SLC9A8: variants seen among roughly 807,000 people sequenced by gnomAD.
SLC9A8 encodes the protein sodium/hydrogen exchanger 8.
A neutral mutation model predicts 66.6 loss-of-function variants in SLC9A8; 48 were observed. The ratio of observed to expected loss-of-function variants is 0.72; its 90% confidence interval spans 0.57 to 0.92. The LOEUF (loss-of-function observed/expected upper bound fraction) is 0.92, where lower values mean the gene tolerates loss of function less well. SLC9A8 is among the 40% of genes least tolerant of loss of function. The pLI is 0.00. For missense variants in SLC9A8, 599 were observed against 747.3 expected, an observed-to-expected ratio of 0.80 and a Z score of 2.31; for synonymous variants, 274 against 282.6, an observed-to-expected ratio of 0.97 and a Z score of 0.31.
At position 49,838,797 on chromosome 20, in the gene SLC9A8, CTGTG is replaced by C. The variant is rs1253069226; in HGVS notation, c.290-743_290-740del. On this transcript the variant is annotated intron_variant, in intron 3 of 15. Coordinates refer to ENST00000361573, the MANE Select transcript of SLC9A8 (RefSeq NM_015266.3). ...GTGATTGTGTCACCTCCTACCGAGA[CTGTG>C]AACTCCTACCCTACAATGAGTAGGT... 7.9e-5 allele frequency among the ~76,000 whole-genome samples: 12 copies of C among 152,326 alleles called. No homozygotes were observed. The East Asian group carries it at 2.3e-3, about 29-fold the overall frequency.
Position 49,884,280 on chromosome 20 carries a change from C to CACACACG in SLC9A8, c.1491+220_1491+221insGACACAC, listed in dbSNP as rs1555848385. On this transcript the variant is annotated intron_variant, in intron 14 of 15. Coordinates refer to ENST00000361573, the MANE Select transcript of SLC9A8 (RefSeq NM_015266.3). ...ACACGACACACACACACACGACACA[C>CACACACG]ACACACACGACACACACACACACAC... 390 of 233,234 alleles carry CACACACG rather than the reference C, an allele frequency of 1.7e-3. 31 individuals are homozygous for CACACACG. Among genetic ancestry groups the CACACACG allele is most frequent in the African/African-American group, 6.1e-3 (136 of 22,412 alleles). 14.4% of individuals were successfully genotyped at this position (233,234 alleles called of 1,614,324 possible). A position where few individuals can be genotyped will look rare whatever the true frequency, so the allele number is the denominator to read the frequency against.
At chr20:49,866,375 A>G in intron 10 of SLC9A8, among the ~76,000 whole-genome samples, 1 of 152,208 alleles carries the variant, frequency 6.6e-6, no homozygotes, top group East Asian at 1.9e-4. Flanking sequence ...ATCTTGGGTA[A>G]ATACCTAGGA....
intron 7 of SLC9A8, among the ~76,000 whole-genome samples, chr20:49,853,293 G>T (rs6067249): frequency 4.6e-5 from 7 of 152,034 alleles, no homozygotes; most frequent in Admixed American, 2.0e-4. Flanking sequence ...ACAGGTATGC[G>T]GCACCACTTC....
intron 3 of SLC9A8, among the ~76,000 whole-genome samples, chr20:49,834,331 GTGTATATATATATATACTGTA>G (rs2087377477): frequency 1.8e-4 from 15 of 83,484 alleles, no homozygotes; most frequent in African/African-American, 6.0e-4. Flanking sequence ...TATATATACT[GTGTATATATATATATACTGTA>G]TATATATATA....
intron 3 of SLC9A8, among the ~76,000 whole-genome samples, chr20:49,836,488 C>T (rs150371905): frequency 5.8e-4 from 88 of 152,172 alleles, no homozygotes; most frequent in African/African-American, 1.9e-3. Flanking sequence ...TACCACCATG[C>T]GCAGATAATT....
chr20:49,832,118 C>A (rs1322847744), intron 3 of SLC9A8, among the ~76,000 whole-genome samples: 2 of 152,164 alleles, frequency 1.3e-5, no homozygotes, highest in Admixed American at 1.3e-4. Context: ...CCCTGCCAAG[C>A]CCCTTGCATG....
At chr20:49,841,861 C>CT (rs2087775890) in intron 4 of SLC9A8, among the ~76,000 whole-genome samples, 1 of 151,874 alleles carries the variant, frequency 6.6e-6, no homozygotes, top group South Asian at 2.1e-4. Flanking sequence ...TCCCAAAGTG[C>CT]TGGGAGTACA....
intron 3 of SLC9A8, chr20:49,829,211 A>G (rs1445422223): frequency 6.6e-6 from 1 of 152,176 alleles, no homozygotes; most frequent in African/African-American, 2.4e-5. Flanking sequence ...TCGTTAATCC[A>G]CCGAAGGACT....
intron 4 of SLC9A8, among the ~76,000 whole-genome samples, chr20:49,842,014 A>C (rs888709371): frequency 1.3e-5 from 2 of 152,052 alleles, no homozygotes; most frequent in African/African-American, 4.8e-5. Flanking sequence ...TGTTAGGATT[A>C]CAGGATTGAG....
In SLC9A8 at chr20:49,855,537, T is replaced by G; in HGVS notation, c.669T>G (p.Phe223Leu). 1 of 1,614,222 alleles carries G rather than the reference T, an allele frequency of 6.2e-7. No individual in the cohort carries two copies. The highest frequency in any genetic ancestry group is 8.5e-7 in the Non-Finnish European group (1 of 1,180,048). Residue 223 changes from phenylalanine to leucine, a missense_variant, in exon 8 of 16, where the codon TTT becomes TTG. Transcript: ENST00000361573. Reference protein sequence around the residue: ...HVDPVLNMLVFGESILNDAVS... With the variant: ...HVDPVLNMLVLGESILNDAVS... Reference sequence around the variant, plus strand: ...ACCCCGTGCTCAACATGCTGGTCTTTGGAGAAAGTATTCTCAACGATGCAG... The same window carrying G: ...ACCCCGTGCTCAACATGCTGGTCTTGGGAGAAAGTATTCTCAACGATGCAG...
At chr20:49,848,883 A>G (rs2088123381) in intron 5 of SLC9A8, among the ~76,000 whole-genome samples, 3 of 152,196 alleles carry the variant, frequency 2.0e-5, no homozygotes, top group African/African-American at 7.2e-5. Context: ...TCTGACGGGC[A>G]TTATGTCAGG....
rs538736543 is a variant in SLC9A8, at chr20:49,824,416, A to G, written c.289+1275A>G. 1.4e-4 allele frequency among the ~76,000 whole-genome samples: 21 copies of G among 152,342 alleles called. No individual in the cohort carries two copies. In the South Asian group the frequency reaches 4.3e-3, roughly 32 times the overall value. ...CTATTAGGCATATTGAAAAGAACCT[A>G]TGTGACTAATACCCATAATTCTGGG... On this transcript the variant is annotated intron_variant, in intron 3 of 15. Coordinates refer to ENST00000361573, the MANE Select transcript of SLC9A8 (RefSeq NM_015266.3).
chr20:49,834,181 CTCTCTATATATA>C (rs748954594), intron 3 of SLC9A8, among the ~76,000 whole-genome samples: 771 of 46,092 alleles, frequency 0.017, 5 homozygotes, highest in Middle Eastern at 0.023. Context: ...CTCTCTCTCT[CTCTCTATATATA>C]TATATATATA....
rs191701333 is a variant in SLC9A8, at chr20:49,828,325, G to A, written c.289+5184G>A. Reference sequence around the variant, plus strand: ...TTGAACTCCTGACATCAGGTAATCCGCCTGCCTCGGCCTCCCAAAATGCTG... The same window carrying A: ...TTGAACTCCTGACATCAGGTAATCCACCTGCCTCGGCCTCCCAAAATGCTG... On this transcript the variant is annotated intron_variant, in intron 3 of 15. Transcript: ENST00000361573. 1.3e-3 allele frequency among the ~76,000 whole-genome samples: 196 copies of A among 151,434 alleles called. 1 individual carries two copies. Among genetic ancestry groups the A allele is most frequent in the African/African-American group, 4.4e-3 (184 of 41,374 alleles).
At chr20:49,834,139 GTCTC>G (rs71335517) in intron 3 of SLC9A8, among the ~76,000 whole-genome samples, 2,244 of 65,042 alleles carry the variant, frequency 0.035, 59 homozygotes, top group Admixed American at 0.055. Context: ...ATATTAGCTT[GTCTC>G]TCTCTCTCTC....
chr20:49,820,859 T>A (rs1038024090), intron 2 of SLC9A8, among the ~76,000 whole-genome samples: 3 of 152,146 alleles, frequency 2.0e-5, no homozygotes, highest in South Asian at 2.1e-4. Flanking sequence ...CTGTATTTTT[T>A]AAAAAATCTT....
chr20:49,848,142 T>A (rs1363952502), intron 5 of SLC9A8, among the ~76,000 whole-genome samples: 2 of 152,118 alleles, frequency 1.3e-5, no homozygotes, highest in African/African-American at 2.4e-5. Context: ...CAGGTTGGTC[T>A]CGAACTCCTG....
At chr20:49,846,950 A>G (rs2088022064) in intron 5 of SLC9A8, among the ~76,000 whole-genome samples, 1 of 152,154 alleles carries the variant, frequency 6.6e-6, no homozygotes, top group African/African-American at 2.4e-5. Context: ...AATAAACTTA[A>G]TTTGTTGTTG....
In SLC9A8 at chr20:49,891,365, AACGCCCTCCATTTC is replaced by A. The variant is rs2090039322; in HGVS notation, c.*3441_*3454del. ...CTCCACAGCCCCGGGTCCTCTGTCTAACGCCCTCCATTTCACGCCCTCCATCTCACAGTCAAGAT... is the reference window on the plus strand; with the variant it reads ...CTCCACAGCCCCGGGTCCTCTGTCTAACGCCCTCCATCTCACAGTCAAGAT... On this transcript the variant is annotated 3_prime_UTR_variant, in exon 16 of 16. Coordinates refer to ENST00000361573, the MANE Select transcript of SLC9A8 (RefSeq NM_015266.3). 1.3e-5 allele frequency: 2 copies of A among 152,066 alleles called. No homozygotes were observed. The highest frequency in any genetic ancestry group is 4.8e-5 in the African/African-American group (2 of 41,382). The allele number at this position is 152,066 out of a possible 1,614,324, so 9.4% of individuals were successfully genotyped here. A position where few individuals can be genotyped will look rare whatever the true frequency, so the allele number is the denominator to read the frequency against.
Sources: allele counts gnomAD v4.1 joint callset (sites outside exome capture counted in the v4.1 genomes callset), GRCh38; gene constraint gnomAD v4.1.1; transcripts MANE v1.5; gene names NCBI Gene and HGNC (gene_info 2026-07-23, HGNC 2026-07-21).